The following GRID2 variants were observed in gnomAD, a reference collection of about 807,000 sequenced individuals.
GRID2 encodes glutamate receptor ionotropic, delta-2.
In GRID2, 33 loss-of-function variants were observed where a neutral mutation model predicts 114.8. That is an observed-to-expected ratio of 0.29 (90% CI 0.22 to 0.38). The LOEUF is 0.38. Among genes scored for constraint, GRID2 ranks in the 10% least tolerant of loss-of-function variants. The probability of loss-of-function intolerance (pLI) is 1.00; values close to 1 mark genes in which losing one functional copy is unlikely to be tolerated. For synonymous variants in GRID2, 505 were observed against 449.9 expected (o/e 1.12, Z -1.55); for missense variants, 1,184 against 1,257.7 (o/e 0.94, Z 0.89).
At chr4:92,844,387 A>C (rs1743138393) in intron 2 of GRID2, among the ~76,000 whole-genome samples, 1 of 151,986 alleles carries the variant, frequency 6.6e-6, no homozygotes, top group Non-Finnish European at 1.5e-5. Context: ...AAAAATACAA[A>C]AAATTAGCCA....
intron 13 of GRID2, among the ~76,000 whole-genome samples, chr4:93,585,811 A>C (rs1262054614): frequency 6.6e-6 from 1 of 152,096 alleles, no homozygotes; most frequent in African/African-American, 2.4e-5. Flanking sequence ...ATCTATGCAT[A>C]GTTTTTTCAT....
intron 14 of GRID2, among the ~76,000 whole-genome samples, chr4:93,693,263 A>G (rs1198582657): frequency 6.6e-6 from 1 of 152,304 alleles, no homozygotes; most frequent in East Asian, 1.9e-4. Flanking sequence ...GCATTTAGAA[A>G]CTGTATAAGT....
chr4:92,918,747 G>GT (rs1479063691), intron 2 of GRID2, among the ~76,000 whole-genome samples: 11 of 152,156 alleles, frequency 7.2e-5, no homozygotes, highest in African/African-American at 2.4e-4. Context: ...GCTGGATTTG[G>GT]TTTGCCAGTA....
chr4:92,845,936 G>A (rs1359107473), intron 2 of GRID2, among the ~76,000 whole-genome samples: 2 of 151,984 alleles, frequency 1.3e-5, no homozygotes, highest in African/African-American at 4.8e-5. Context: ...TCTGAACCCT[G>A]TTTGATCTAT....
chr4:92,872,841 T>C (rs1361911747), intron 2 of GRID2, among the ~76,000 whole-genome samples: 2 of 152,244 alleles, frequency 1.3e-5, no homozygotes, highest in Non-Finnish European at 2.9e-5. Flanking sequence ...TCTGTGAATA[T>C]GCCTAAGGGC....
intron 2 of GRID2, among the ~76,000 whole-genome samples, chr4:92,717,088 A>C (rs1010305506): frequency 2.0e-5 from 3 of 152,180 alleles, no homozygotes; most frequent in Non-Finnish European, 2.9e-5. Context: ...TGACCACTTA[A>C]TACGCAGTTG....
At chr4:93,201,476 T>C (rs745637634) in intron 4 of GRID2, among the ~76,000 whole-genome samples, 6 of 152,184 alleles carry the variant, frequency 3.9e-5, no homozygotes, top group Non-Finnish European at 8.8e-5. Flanking sequence ...CTTGCTGATC[T>C]CCACCTGATG....
At chr4:92,564,517 G>A (rs1432062730) in intron 1 of GRID2, among the ~76,000 whole-genome samples, 1 of 151,890 alleles carries the variant, frequency 6.6e-6, no homozygotes, top group Non-Finnish European at 1.5e-5. Context: ...ATAATATAAA[G>A]CATTCCTTTT....
intron 1 of GRID2, among the ~76,000 whole-genome samples, chr4:93,790,971 T>A (rs1190799565): frequency 2.0e-5 from 3 of 152,220 alleles, no homozygotes; most frequent in Non-Finnish European, 2.9e-5. Context: ...TTGTTCACAG[T>A]AGGCTCAAAA....
chr4:93,347,708 T>C (rs1405536150), intron 8 of GRID2, among the ~76,000 whole-genome samples: 1 of 152,188 alleles, frequency 6.6e-6, no homozygotes, highest in African/African-American at 2.4e-5. Context: ...TAATTACTAT[T>C]TGTTATCTCA....
chr4:92,603,776 A>G (rs1436066595), intron 2 of GRID2, among the ~76,000 whole-genome samples: 3 of 152,122 alleles, frequency 2.0e-5, no homozygotes, highest in Non-Finnish European at 4.4e-5. Context: ...AAATTTTCAC[A>G]ATCTATCCAC....
intron 14 of GRID2, among the ~76,000 whole-genome samples, chr4:93,685,271 AT>A (rs33998735): frequency 6.6e-6 from 1 of 151,894 alleles, no homozygotes; most frequent in African/African-American, 2.4e-5. Flanking sequence ...AACCTTACCG[AT>A]TTTTACTCCC....
chr4:93,050,555 G>GT (rs1726610688), intron 2 of GRID2, among the ~76,000 whole-genome samples: 1 of 144,646 alleles, frequency 6.9e-6, no homozygotes, highest in Non-Finnish European at 1.5e-5. Flanking sequence ...TGTGTGTGTG[G>GT]TGTATGTGTG....
At chr4:93,407,093 T>G (rs1766527850) in intron 9 of GRID2, among the ~76,000 whole-genome samples, 1 of 152,194 alleles carries the variant, frequency 6.6e-6, no homozygotes, top group Admixed American at 6.6e-5. Flanking sequence ...CATGGCAGCC[T>G]TACCAAAGAA....
chr4:93,462,528 A>G (rs142610558), intron 11 of GRID2, among the ~76,000 whole-genome samples: 2 of 152,290 alleles, frequency 1.3e-5, no homozygotes, highest in South Asian at 2.1e-4. Context: ...ATCCCAAGAC[A>G]ATTTTTGGAA....
At chr4:93,784,306 C>T (rs915173098) in intron 1 of GRID2, among the ~76,000 whole-genome samples, 11 of 151,952 alleles carry the variant, frequency 7.2e-5, no homozygotes, top group African/African-American at 2.4e-4. Flanking sequence ...GGTCATGCTG[C>T]TCCATGATTT....
intron 1 of GRID2, among the ~76,000 whole-genome samples, chr4:92,375,151 C>G (rs1264376367): frequency 6.6e-6 from 1 of 151,916 alleles, no homozygotes; most frequent in Non-Finnish European, 1.5e-5. Context: ...GGACTGTGGA[C>G]CAGAAAGGAT....
intron 14 of GRID2, among the ~76,000 whole-genome samples, chr4:93,634,003 G>A (rs1238477344): frequency 6.6e-6 from 1 of 152,062 alleles, no homozygotes; most frequent in Non-Finnish European, 1.5e-5. Context: ...CTCTCAGAAA[G>A]GTACATAAAA....
At chr4:93,617,674 A>G (rs558007996) in intron 13 of GRID2, among the ~76,000 whole-genome samples, 1 of 152,320 alleles carries the variant, frequency 6.6e-6, no homozygotes, top group East Asian at 1.9e-4. Flanking sequence ...ACCAGTATCG[A>G]AAGTTAAATT....
Sources: allele counts gnomAD v4.1 joint callset (sites outside exome capture counted in the v4.1 genomes callset), GRCh38; gene constraint gnomAD v4.1.1; transcripts MANE v1.5; gene names NCBI Gene and HGNC (gene_info 2026-07-23, HGNC 2026-07-21).